The following SGCD variants were observed in gnomAD, a reference collection of about 807,000 sequenced individuals.
The protein encoded by SGCD is delta-sarcoglycan.
SGCD carries 18 observed loss-of-function variants against 36.6 expected under a neutral mutation model. The ratio of observed to expected loss-of-function variants is 0.49; its 90% CI spans 0.34 to 0.73. The LOEUF (loss-of-function observed/expected upper bound fraction) is 0.73. Among genes scored for constraint, SGCD ranks in the 30% least tolerant of loss-of-function variants. The pLI is 0.01. For missense variants in SGCD, 387 were observed against 346.7 expected (o/e 1.12, Z -0.92); for synonymous variants, 133 against 130.6 (o/e 1.02, Z -0.12).
chr5:156,203,989 T>C (rs114809612), intron 3 of SGCD, among the ~76,000 whole-genome samples: 2,226 of 152,254 alleles, frequency 0.015, 53 homozygotes, highest in South Asian at 0.04. Flanking sequence ...TTATTTAGTG[T>C]TTAAGTCCAA....
intron 4 of SGCD, among the ~76,000 whole-genome samples, chr5:156,580,263 G>A (rs927981888): frequency 1.3e-5 from 2 of 152,238 alleles, no homozygotes; most frequent in Non-Finnish European, 2.9e-5. Context: ...CTGGCTTGCA[G>A]ATCTTCTGCT....
At chr5:156,495,416 A>C (rs1033211097) in intron 3 of SGCD, among the ~76,000 whole-genome samples, 4 of 152,198 alleles carry the variant, frequency 2.6e-5, no homozygotes, top group African/African-American at 9.6e-5. Context: ...CTTTCTCACA[A>C]GTATCAAAAC....
intron 7 of SGCD, among the ~76,000 whole-genome samples, chr5:156,755,235 G>A (rs1270718059): frequency 6.6e-6 from 1 of 152,116 alleles, no homozygotes; most frequent in Non-Finnish European, 1.5e-5. Context: ...GAGGGAAGAA[G>A]GAAGAAAGAG....
At chr5:156,148,532 T>A (rs1041607133) in intron 3 of SGCD, among the ~76,000 whole-genome samples, 1 of 152,214 alleles carries the variant, frequency 6.6e-6, no homozygotes, top group Admixed American at 6.5e-5. Flanking sequence ...ATGTAACTGA[T>A]ATATGGTCTT....
intron 1 of SGCD, among the ~76,000 whole-genome samples, chr5:155,945,036 CA>C (rs1185382265): frequency 6.6e-6 from 1 of 151,770 alleles, no homozygotes; most frequent in Non-Finnish European, 1.5e-5. Flanking sequence ...TTTTAGGTAC[CA>C]AAAATAAACC....
chr5:156,168,698 G>A (rs1355165045), intron 3 of SGCD, among the ~76,000 whole-genome samples: 2 of 152,218 alleles, frequency 1.3e-5, no homozygotes, highest in Admixed American at 6.5e-5. Context: ...CTCGTAGAGA[G>A]CTTCACTCTC....
At chr5:156,585,329 ATCAAT>A (rs1230370180) in intron 4 of SGCD, among the ~76,000 whole-genome samples, 1 of 152,214 alleles carries the variant, frequency 6.6e-6, no homozygotes, top group East Asian at 1.9e-4. Flanking sequence ...TTTTAAAAGG[ATCAAT>A]TCAGAGACAA....
the SGCD span, among the ~76,000 whole-genome samples, chr5:155,865,023 A>G: frequency 1.1e-4 from 16 of 152,176 alleles, no homozygotes; most frequent in Admixed American, 1.0e-3. Flanking sequence ...GGAACCCTTT[A>G]GACTTTTAAA....
chr5:156,479,695 A>C (rs1442544790), intron 3 of SGCD, among the ~76,000 whole-genome samples: 1 of 152,188 alleles, frequency 6.6e-6, no homozygotes, highest in African/African-American at 2.4e-5. Context: ...AGAAGATACA[A>C]ATGCACTTAG....
At chr5:156,315,833 C>A (rs1604962) in intron 3 of SGCD, among the ~76,000 whole-genome samples, 122,101 of 151,866 alleles carry the variant, frequency 0.8, 49,725 homozygotes, top group African/African-American at 0.94. Context: ...GTTTTCATGT[C>A]CCTGTTAGCC....
chr5:156,096,462 T>C (rs1346645577), intron 1 of SGCD, among the ~76,000 whole-genome samples: 2 of 152,156 alleles, frequency 1.3e-5, no homozygotes, highest in African/African-American at 2.4e-5. Flanking sequence ...GTATGATGGG[T>C]ATGCAGGAAG....
intron 1 of SGCD, among the ~76,000 whole-genome samples, chr5:155,921,426 G>A (rs1325941764): frequency 6.6e-6 from 1 of 152,048 alleles, no homozygotes; most frequent in East Asian, 1.9e-4. Flanking sequence ...AAAGTATATA[G>A]GATGGAAGAT....
intron 6 of SGCD, among the ~76,000 whole-genome samples, chr5:156,633,468 C>T (rs1762710660): frequency 1.3e-5 from 2 of 152,066 alleles, no homozygotes; most frequent in Admixed American, 1.3e-4. Flanking sequence ...ACATGTTTAG[C>T]GGGGAGTTAA....
At chr5:156,533,562 T>TA (rs1224460405) in intron 4 of SGCD, among the ~76,000 whole-genome samples, 1 of 152,214 alleles carries the variant, frequency 6.6e-6, no homozygotes, top group Admixed American at 6.5e-5. Flanking sequence ...TATAAAAACT[T>TA]ACACAAATTC....
chr5:155,856,363 A>G, the SGCD span, among the ~76,000 whole-genome samples: 2 of 152,222 alleles, frequency 1.3e-5, no homozygotes, highest in African/African-American at 4.8e-5. Context: ...GCAAACAAAT[A>G]GTAAGATGGC....
At chr5:156,602,895 T>C (rs1761258633) in intron 6 of SGCD, among the ~76,000 whole-genome samples, 1 of 152,144 alleles carries the variant, frequency 6.6e-6, no homozygotes, top group African/African-American at 2.4e-5. Context: ...TATTAGGCTA[T>C]AGTTTCTTTT....
chr5:156,315,776 T>C (rs530471673), intron 3 of SGCD, among the ~76,000 whole-genome samples: 3 of 152,096 alleles, frequency 2.0e-5, no homozygotes, highest in African/African-American at 7.2e-5. Context: ...AGATAACTCA[T>C]TGTGCTTTTG....
chr5:155,905,507 G>A (rs1395839788), intron 1 of SGCD, among the ~76,000 whole-genome samples: 2 of 152,154 alleles, frequency 1.3e-5, no homozygotes, highest in Non-Finnish European at 2.9e-5. Context: ...GCCTGGCACT[G>A]TGAAGCATGC....
intron 3 of SGCD, among the ~76,000 whole-genome samples, chr5:156,179,552 G>A (rs1297695702): frequency 6.6e-6 from 1 of 151,544 alleles, no homozygotes; most frequent in East Asian, 1.9e-4. Context: ...TTCACAAATT[G>A]CCCTCCATAT....
Sources: gnomAD v4.1 joint callset for allele counts (sites outside exome capture counted in the v4.1 genomes callset) on GRCh38, gnomAD v4.1.1 for gene constraint, MANE v1.5 for transcripts, NCBI Gene and HGNC (gene_info 2026-07-23, HGNC 2026-07-21) for gene names.